The following CFAP74 variants were observed in gnomAD, a reference collection of about 807,000 sequenced individuals.
CFAP74 encodes the protein cilia and flagella associated protein 74.
A neutral mutation model predicts 188.9 loss-of-function variants in CFAP74; 124 were observed. That is an observed-to-expected ratio of 0.66 (90% CI 0.57 to 0.76). The LOEUF (loss-of-function observed/expected upper bound fraction) is 0.76. CFAP74 is among the 30% of genes least tolerant of loss of function. CFAP74 has a pLI of 0.00. For synonymous variants in CFAP74, 956 were observed against 916.7 expected, an observed-to-expected ratio of 1.04 and a Z score of -0.77; for missense variants, 2,198 against 2,165.2, an observed-to-expected ratio of 1.02 and a Z score of -0.30.
At position 1,923,203 on chromosome 1, in the gene CFAP74, T is replaced by C; in HGVS notation, c.4523-58A>G. 2.0e-6 allele frequency: 3 copies of C among 1,538,060 alleles called. No homozygotes were observed. The South Asian group carries it at 3.6e-5, about 18-fold the overall frequency. ...GTCAGGCTGAGGCATGGGGTGAGGC[T>C]GCAGCTGGACTCCTGAACTCTGGTT... On this transcript the variant is annotated intron_variant, in intron 36 of 38. Coordinates refer to ENST00000682832, the MANE Select transcript of CFAP74 (RefSeq NM_001304360.2). This position sits in a 1 kb window ranked among gnomAD's most constrained non-coding sequence, Gnocchi z 6.3.
chr1:1,988,226 AAC>A, intron 4 of CFAP74: 1 of 622,400 alleles, frequency 1.6e-6, no homozygotes, highest in South Asian at 1.5e-5. Flanking sequence ...AACACACACA[AAC>A]ACAGAAAGAA....
intron 25 of CFAP74, among the ~76,000 whole-genome samples, chr1:1,938,531 T>G (rs193060043): frequency 6.6e-6 from 1 of 151,696 alleles, no homozygotes; most frequent in Non-Finnish European, 1.5e-5. Context: ...CACCTGCTCC[T>G]ACAGTGATAC....
chr1:1,986,284 G>A (rs1215151931), intron 5 of CFAP74, among the ~76,000 whole-genome samples: 3 of 152,226 alleles, frequency 2.0e-5, no homozygotes, highest in East Asian at 1.9e-4. Flanking sequence ...CTACTCCGGA[G>A]GCTGCAGCAG....
chr1:1,930,453 A>C (rs1652285873), intron 25 of CFAP74, 117 bp from the exon 26 acceptor site: 1 of 1,006,870 alleles, frequency 9.9e-7, no homozygotes, highest in African/African-American at 1.6e-5. Context: ...AGGGACATGC[A>C]CGTTCCTGCT....
chr1:1,949,779 T>C (rs558759936), intron 18 of CFAP74, among the ~76,000 whole-genome samples: 1 of 152,100 alleles, frequency 6.6e-6, no homozygotes, highest in Non-Finnish European at 1.5e-5. Flanking sequence ...GAGCTTACAG[T>C]CTTTTGCGTC....
intron 19 of CFAP74, 123 bp downstream of exon 19, chr1:1,946,867 C>T (rs1390047419): frequency 3.2e-5 from 24 of 753,588 alleles, no homozygotes; most frequent in Non-Finnish European, 5.3e-5. Context: ...TCTGGCCTGT[C>T]TCTGGTCAAA....
chr1:1,944,972 T>C (rs1295073056), intron 20 of CFAP74, among the ~76,000 whole-genome samples: 1 of 152,210 alleles, frequency 6.6e-6, no homozygotes, highest in Non-Finnish European at 1.5e-5. Context: ...ACCAAGTACC[T>C]ACCAGTCAGC....
In CFAP74 at chr1:1,940,385, G is replaced by A. The variant is rs1023491128; in HGVS notation, c.2634C>T (p.Asp878=). 4.6e-6 allele frequency: 7 copies of A among 1,533,800 alleles called. No homozygotes were observed. The highest frequency in any genetic ancestry group is 2.0e-5 in the Admixed American group (1 of 50,516). The part of the protein sequence containing the change: ...KFLPRHSLPE[D]AGRYFDKETR... ...TCTCCTTGTCAAAATACCTCCCTGCGTCCTCCGGGAGGGAGTGTCTGAAAG... is the reference window on the plus strand; with the variant it reads ...TCTCCTTGTCAAAATACCTCCCTGCATCCTCCGGGAGGGAGTGTCTGAAAG... The change falls in exon 23 of 39, where the codon GAC becomes GAT. Residue 878 remains aspartate (D), a synonymous_variant. Transcript: ENST00000682832.
At chr1:1,952,759 A>G (rs1335877447) in intron 18 of CFAP74, among the ~76,000 whole-genome samples, 11 of 152,030 alleles carry the variant, frequency 7.2e-5, no homozygotes, top group Non-Finnish European at 1.6e-4. Flanking sequence ...GGCTCAAGCC[A>G]TCTTCCTGCC....
At position 1,932,612 on chromosome 1, in the gene CFAP74, G is replaced by A. The variant is rs111739363; in HGVS notation, c.3012-2276C>T. Among the ~76,000 whole-genome samples, 318 of 130,694 alleles carry A rather than the reference G, an allele frequency of 2.4e-3. 1 individual carries two copies. The highest frequency in any genetic ancestry group is 8.7e-3 in the African/African-American group (305 of 35,000). 85.7% of individuals were successfully genotyped at this position (130,694 alleles called of 152,430 possible). ...TCTTTCTTTTTTTCTTTTTTTTTTT[G>A]AGACAGAATCTCGCTCTGTTGCCCA... is the stretch of plus-strand genomic sequence containing the variant. On this transcript the variant is annotated intron_variant, in intron 25 of 38. Coordinates refer to ENST00000682832, the MANE Select transcript of CFAP74 (RefSeq NM_001304360.2).
chr1:1,999,266 C>A (rs1416379996), intron 1 of CFAP74, among the ~76,000 whole-genome samples: 1 of 152,124 alleles, frequency 6.6e-6, no homozygotes, highest in Non-Finnish European at 1.5e-5. Flanking sequence ...CACGTACTAG[C>A]GCTATGCAGG....
intron 25 of CFAP74, among the ~76,000 whole-genome samples, chr1:1,938,611 TACAC>T (rs768471255): frequency 9.9e-5 from 15 of 152,104 alleles, no homozygotes; most frequent in Admixed American, 2.0e-4. Flanking sequence ...CTCATATACA[TACAC>T]ACCCACGACA....
intron 20 of CFAP74, 111 bp from the exon 21 acceptor site, chr1:1,944,563 T>C: frequency 1.7e-6 from 2 of 1,150,554 alleles, no homozygotes; most frequent in Non-Finnish European, 1.2e-6. Context: ...TTGAGTTTTC[T>C]AACTCTTTGG....
rs1571005432 is a variant in CFAP74, at chr1:2,000,098, A to C, written c.-20+3603T>G. On this transcript the variant is annotated intron_variant, in intron 1 of 38. Transcript: ENST00000682832. ...AGAGTTGCTTGAACTGGTGAGGTGG[A>C]GGTTGCAGTGAGCTGAGATCGTGCC... Among the ~76,000 whole-genome samples the C allele has an allele frequency of 2.0e-5, 3 of 152,218 alleles. No individual in the cohort carries two copies. The East Asian group carries it at 5.8e-4, about 29-fold the overall frequency.
At chr1:1,937,977 C>T (rs576645210) in intron 25 of CFAP74, among the ~76,000 whole-genome samples, 16 of 152,122 alleles carry the variant, frequency 1.1e-4, no homozygotes, top group Non-Finnish European at 1.5e-4. Context: ...CATGCACTCA[C>T]GCATGGTCGC....
Position 1,972,917 on chromosome 1 carries a change from A to T in CFAP74, c.785+20T>A. The T allele has an allele frequency of 3.3e-6, 5 of 1,511,410 alleles. No homozygotes were observed. Among genetic ancestry groups the T allele is most frequent in the Non-Finnish European group, 4.6e-6 (5 of 1,086,696 alleles). 93.6% of individuals were successfully genotyped at this position (1,511,410 alleles called of 1,614,324 possible). ...CGTATTCTTGGGTTTCTCCTTAAGGACGTCGAAGGGAGGCCCTACCTTCCC... is the reference window on the plus strand; with the variant it reads ...CGTATTCTTGGGTTTCTCCTTAAGGTCGTCGAAGGGAGGCCCTACCTTCCC... On this transcript the variant is annotated intron_variant, in intron 8 of 38. Coordinates refer to ENST00000682832, the MANE Select transcript of CFAP74 (RefSeq NM_001304360.2).
In CFAP74 at chr1:1,939,482, A is replaced by G. The variant is rs978724436; in HGVS notation, c.2877+112T>C. The stretch of plus-strand genomic sequence containing the variant: ...TGGAGGGGTGCAGCTGAGAGGCGGA[A>G]GTTGGGCCACATGCCCACGCGTGGG... On this transcript the variant is annotated intron_variant, in intron 24 of 38. Transcript: ENST00000682832. 7.1e-5 allele frequency: 75 copies of G among 1,058,990 alleles called. No homozygotes were observed. The Middle Eastern group carries it at 9.1e-4, about 13-fold the overall frequency. 65.6% of individuals were successfully genotyped at this position (1,058,990 alleles called of 1,614,324 possible). A position where few individuals can be genotyped will look rare whatever the true frequency, so the allele number is the denominator to read the frequency against.
At chr1:1,997,625 A>G (rs764437019) in intron 1 of CFAP74, among the ~76,000 whole-genome samples, 5 of 152,234 alleles carry the variant, frequency 3.3e-5, no homozygotes, top group Non-Finnish European at 5.9e-5. Flanking sequence ...TAATGAGAAA[A>G]TGAGATTTAG....
chr1:1,968,696 G>T lies in CFAP74; in HGVS notation c.1184C>A (p.Thr395Asn), dbSNP rs762158576. ...ARHRLTLRDK[T>N]WNYISDFCKK... ...GCAAAAGTCAGAAATGTAGTTCCAGGTCTTGTCCCTCAGGGTCAGCCGGTG... is the reference window on the plus strand; with the variant it reads ...GCAAAAGTCAGAAATGTAGTTCCAGTTCTTGTCCCTCAGGGTCAGCCGGTG... Residue 395 changes from threonine (T) to asparagine (N), a missense_variant, in exon 11 of 39, where the codon ACC becomes AAC. Coordinates refer to ENST00000682832, the MANE Select transcript of CFAP74 (RefSeq NM_001304360.2). This position sits in a 1 kb window ranked among gnomAD's most constrained non-coding sequence, Gnocchi z 4.3. 1.5e-5 allele frequency: 25 copies of T among 1,614,128 alleles called. No individual in the cohort carries two copies. The highest frequency in any genetic ancestry group is 1.8e-5 in the Non-Finnish European group (21 of 1,179,992).
Sources: allele counts gnomAD v4.1 joint callset (sites outside exome capture counted in the v4.1 genomes callset), GRCh38; gene constraint gnomAD v4.1.1; non-coding constraint Gnocchi (gnomAD v3.1); transcripts MANE v1.5; gene names NCBI Gene and HGNC (gene_info 2026-07-23, HGNC 2026-07-21).